Variants in SPTBN1 observed in about 807,000 individuals in gnomAD.
SPTBN1 encodes spectrin beta, non-erythrocytic 1, also known as spectrin beta chain, non-erythrocytic 1.
In SPTBN1, 32 loss-of-function variants were observed where a neutral mutation model predicts 266.4. That is an observed-to-expected ratio of 0.12 (90% CI 0.09 to 0.16). The LOEUF (loss-of-function observed/expected upper bound fraction) is 0.16. Ranked by LOEUF, SPTBN1 falls within the 10% of genes least tolerant of loss-of-function variation. The pLI is 1.00. For synonymous variants in SPTBN1, 1,336 were observed against 1,162.2 expected, an observed-to-expected ratio of 1.15 and a Z score of -3.04; for missense variants, 2,296 against 3,067.1, an observed-to-expected ratio of 0.75 and a Z score of 5.94.
At chr2:54,583,165 G>C (rs1279409366) in intron 2 of SPTBN1, among the ~76,000 whole-genome samples, 1 of 152,030 alleles carries the variant, frequency 6.6e-6, no homozygotes, top group African/African-American at 2.4e-5. Context: ...CCTGGACTCA[G>C]TTGTCAGCTC....
At chr2:54,481,942 CT>C (rs1354881267) in intron 1 of SPTBN1, among the ~76,000 whole-genome samples, 6 of 152,192 alleles carry the variant, frequency 3.9e-5, no homozygotes. Flanking sequence ...CTTTTACCTT[CT>C]TTTCTGAGCT....
chr2:54,568,278 A>G (rs1343053486), intron 2 of SPTBN1, among the ~76,000 whole-genome samples: 3 of 143,016 alleles, frequency 2.1e-5, no homozygotes, highest in Non-Finnish European at 3.0e-5. Flanking sequence ...CTACTCTGGG[A>G]GGCAGAAGTT....
intron 18 of SPTBN1, among the ~76,000 whole-genome samples, chr2:54,639,601 T>A (rs1436598518): frequency 6.6e-6 from 1 of 152,242 alleles, no homozygotes; most frequent in African/African-American, 2.4e-5. Context: ...CTGACATATG[T>A]CGATTTCGTT....
At chr2:54,600,325 T>C (rs1676414589) in intron 3 of SPTBN1, among the ~76,000 whole-genome samples, 1 of 152,222 alleles carries the variant, frequency 6.6e-6, no homozygotes, top group African/African-American at 2.4e-5. Flanking sequence ...CTCCAGAAGA[T>C]AGTGAAGCCC....
chr2:54,551,167 C>G (rs1211516425), intron 2 of SPTBN1, among the ~76,000 whole-genome samples: 1 of 152,166 alleles, frequency 6.6e-6, no homozygotes, highest in East Asian at 1.9e-4. Flanking sequence ...TCTCACTGCC[C>G]CATATCACTC....
intron 1 of SPTBN1, among the ~76,000 whole-genome samples, chr2:54,465,480 A>C (rs1693578266): frequency 6.6e-6 from 1 of 152,180 alleles, no homozygotes; most frequent in Non-Finnish European, 1.5e-5. Flanking sequence ...ATTTAGATTT[A>C]CTTTCAGTGA....
At chr2:54,526,260 C>T (rs1189204056) in intron 1 of SPTBN1, 112 bp from the exon 2 acceptor site, 11 of 819,236 alleles carry the variant, frequency 1.3e-5, no homozygotes, top group Non-Finnish European at 2.0e-5. Flanking sequence ...CTCCAGAAGA[C>T]CTATTCTTGG....
At chr2:54,667,749 T>G (rs1013154666) in intron 35 of SPTBN1, 103 bp downstream of exon 35, 1 of 1,078,784 alleles carries the variant, frequency 9.3e-7, no homozygotes, top group African/African-American at 1.6e-5. Context: ...TGATGATCAG[T>G]GATGGTTTCT....
At position 54,516,963 on chromosome 2, in the gene SPTBN1, G is replaced by A. The variant is rs147740766; in HGVS notation, c.-47-9409G>A. 1.3e-3 allele frequency among the ~76,000 whole-genome samples: 194 copies of A among 152,268 alleles called. 1 individual carries two copies. The highest frequency in any genetic ancestry group is 3.9e-3 in the African/African-American group (162 of 41,552). On this transcript the variant is annotated intron_variant, in intron 1 of 35. Transcript: ENST00000356805. The stretch of plus-strand genomic sequence containing the variant: ...AAATTTTTTCTGATGGCAATTGGTC[G>A]AAAGAGTCATTATCAGTAGAAAGGA...
At chr2:54,559,477 C>T (rs77072935) in intron 2 of SPTBN1, among the ~76,000 whole-genome samples, 537 of 152,276 alleles carry the variant, frequency 3.5e-3, no homozygotes, top group Non-Finnish European at 5.3e-3. Flanking sequence ...GTCATTTCAA[C>T]CCTATGGGTT....
chr2:54,511,008 T>A (rs1669832026), intron 1 of SPTBN1, among the ~76,000 whole-genome samples: 1 of 152,252 alleles, frequency 6.6e-6, no homozygotes, highest in African/African-American at 2.4e-5. Context: ...CTGGAAAGTG[T>A]GGTGAGGTAT....
Position 54,537,376 on chromosome 2 carries a change from C to A in SPTBN1, c.148+10810C>A, listed in dbSNP as rs183708860. On this transcript the variant is annotated intron_variant, in intron 2 of 35. Coordinates refer to ENST00000356805, the MANE Select transcript of SPTBN1 (RefSeq NM_003128.3). ...GATTGACCCGGAAGATCCTTTTATACCAGATCATGGCCAACCGGATACTTA... is the reference window on the plus strand; with the variant it reads ...GATTGACCCGGAAGATCCTTTTATAACAGATCATGGCCAACCGGATACTTA... Among the ~76,000 whole-genome samples, 97 of 152,304 alleles carry A rather than the reference C, an allele frequency of 6.4e-4. 1 individual carries two copies. The highest frequency in any genetic ancestry group is 2.2e-3 in the African/African-American group (92 of 41,552).
chr2:54,473,006 G>C (rs557842631), intron 1 of SPTBN1, among the ~76,000 whole-genome samples: 1 of 152,160 alleles, frequency 6.6e-6, no homozygotes. Context: ...TCCTTTAGAC[G>C]TTTAGATTGA....
chr2:54,600,621 G>C lies in SPTBN1; in HGVS notation c.300+1378G>C, dbSNP rs370847208. Among the ~76,000 whole-genome samples the C allele has an allele frequency of 5.9e-5, 9 of 152,018 alleles. No individual in the cohort carries two copies. In the East Asian group the frequency reaches 1.5e-3, roughly 26 times the overall value. Reference sequence around the variant, plus strand: ...TAGACTAGAATTATTGTGATATGCAGCTTTAAGTATAATTTTTATAACCAG... The same window carrying C: ...TAGACTAGAATTATTGTGATATGCACCTTTAAGTATAATTTTTATAACCAG... On this transcript the variant is annotated intron_variant, in intron 3 of 35. Transcript: ENST00000356805.
chr2:54,664,176 C>T lies in SPTBN1; in HGVS notation c.6421-277C>T, dbSNP rs1182944002. The T allele has an allele frequency of 1.2e-5, 4 of 327,338 alleles. No individual in the cohort carries two copies. The highest frequency in any genetic ancestry group is 2.1e-5 in the African/African-American group (1 of 47,476). The allele number at this position is 327,338 out of a possible 1,614,324, so 20.3% of individuals were successfully genotyped here. On this transcript the variant is annotated intron_variant, in intron 32 of 35. Coordinates refer to ENST00000356805, the MANE Select transcript of SPTBN1 (RefSeq NM_003128.3). This position sits in a 1 kb window ranked among gnomAD's most constrained non-coding sequence, Gnocchi z 5.6. ...TAAAGTAACCATAAGAGGAGATGAT[C>T]TGAGTTATATTTATTGATCAGAGGA...
At chr2:54,514,749 G>A (rs192962420) in intron 1 of SPTBN1, among the ~76,000 whole-genome samples, 24 of 152,228 alleles carry the variant, frequency 1.6e-4, no homozygotes, top group Admixed American at 1.1e-3. Context: ...CGAAACTGCC[G>A]TTGCAAAACT....
chr2:54,657,250 C>T (rs1680731050), intron 29 of SPTBN1, among the ~76,000 whole-genome samples: 1 of 152,242 alleles, frequency 6.6e-6, no homozygotes, highest in African/African-American at 2.4e-5. Context: ...ATCCTTCCCT[C>T]CCTCTAAACC....
chr2:54,482,716 T>C (rs1031918668), intron 1 of SPTBN1, among the ~76,000 whole-genome samples: 14 of 152,166 alleles, frequency 9.2e-5, no homozygotes, highest in Admixed American at 6.5e-5. Flanking sequence ...AGTATAGATA[T>C]AGAACATTTC....
Position 54,655,076 on chromosome 2 carries a change from A to G in SPTBN1, c.5829A>G (p.Val1943=), listed in dbSNP as rs1203744491. Residue 1943 remains valine (V), a synonymous_variant, in exon 28 of 36, where the codon GTA becomes GTG. Coordinates refer to ENST00000356805, the MANE Select transcript of SPTBN1 (RefSeq NM_003128.3). ...QIEAQEKPRD[V]SSVELLMNNH... ...ATCGTTTGTCTAATTTTAGGGATGTATCATCTGTTGAACTCTTAATGAATA... is the reference window on the plus strand; with the variant it reads ...ATCGTTTGTCTAATTTTAGGGATGTGTCATCTGTTGAACTCTTAATGAATA... 3.1e-6 allele frequency: 5 copies of G among 1,612,348 alleles called. No homozygotes were observed. Among genetic ancestry groups the G allele is most frequent in the South Asian group, 1.1e-5 (1 of 90,776 alleles).
Sources: gnomAD v4.1 joint callset for allele counts (sites outside exome capture counted in the v4.1 genomes callset) on GRCh38, gnomAD v4.1.1 for gene constraint, Gnocchi (gnomAD v3.1) non-coding constraint, MANE v1.5 for transcripts, NCBI Gene and HGNC (gene_info 2026-07-23, HGNC 2026-07-21) for gene names.